The following CDH12 variants were observed in gnomAD, a reference collection of about 807,000 sequenced individuals.
CDH12 encodes the protein cadherin 12, also known as cadherin-12.
A neutral mutation model predicts 74.1 loss-of-function variants in CDH12; 41 were observed. The observed-to-expected ratio is 0.55, with a 90% CI of 0.43 to 0.72. CDH12 has a LOEUF of 0.72. Among genes scored for constraint, CDH12 ranks in the 30% least tolerant of loss-of-function variants. The pLI is 0.00. For missense variants in CDH12, 945 were observed against 977.2 expected (o/e 0.97, Z 0.44); for synonymous variants, 399 against 355.0 (o/e 1.12, Z -1.39).
rs1243038306 is a variant in CDH12 at position 22,001,574 on chromosome 5, T to C, written c.232-26189A>G. ...GTGTCATGGGGGTTTGGTGTACAGA[T>C]TATTTCATCACCCAGGTTATAGGCA... is the stretch of plus-strand genomic sequence containing the variant. On this transcript the variant is annotated intron_variant, in intron 5 of 14. Transcript: ENST00000382254. 2.6e-5 allele frequency among the ~76,000 whole-genome samples: 4 copies of C among 152,222 alleles called. No homozygotes were observed. In the East Asian group the frequency reaches 7.8e-4, roughly 30 times the overall value.
intron 4 of CDH12, among the ~76,000 whole-genome samples, chr5:22,178,519 T>A (rs1749461720): frequency 6.6e-6 from 1 of 152,202 alleles, no homozygotes; most frequent in Non-Finnish European, 1.5e-5. Context: ...AATCTTTGTG[T>A]CTTTTTCTGA....
chr5:22,654,002 C>T (rs981871044), intron 1 of CDH12, among the ~76,000 whole-genome samples: 1 of 122,766 alleles, frequency 8.1e-6, no homozygotes, highest in Non-Finnish European at 1.7e-5. Context: ...TCCTTCCTTC[C>T]TTCCTTCCCT....
chr5:22,586,300 G>C (rs1038267720), intron 1 of CDH12, among the ~76,000 whole-genome samples: 5 of 151,934 alleles, frequency 3.3e-5, no homozygotes, highest in Non-Finnish European at 7.4e-5. Flanking sequence ...AGAACACTTG[G>C]ACACGGGAAG....
intron 1 of CDH12, among the ~76,000 whole-genome samples, chr5:22,684,966 A>G (rs1741682382): frequency 6.6e-6 from 1 of 152,150 alleles, no homozygotes; most frequent in Non-Finnish European, 1.5e-5. Context: ...TCAGAAAGTC[A>G]AGTGCAAAGG....
At chr5:22,378,452 A>G (rs1235388387) in intron 3 of CDH12, among the ~76,000 whole-genome samples, 1 of 152,136 alleles carries the variant, frequency 6.6e-6, no homozygotes, top group South Asian at 2.1e-4. Context: ...GTGGACGTAT[A>G]TAACAAAAGT....
chr5:22,843,951 C>A (rs1253102401), intron 1 of CDH12, among the ~76,000 whole-genome samples: 1 of 151,878 alleles, frequency 6.6e-6, no homozygotes, highest in East Asian at 1.9e-4. Flanking sequence ...AGGGCTGTGT[C>A]TTTTTGCATG....
At chr5:22,440,432 T>C (rs543159457) in intron 2 of CDH12, among the ~76,000 whole-genome samples, 2 of 152,262 alleles carry the variant, frequency 1.3e-5, no homozygotes, top group South Asian at 4.1e-4. Flanking sequence ...ACATTATTAC[T>C]CTTTGGAACC....
intron 3 of CDH12, among the ~76,000 whole-genome samples, chr5:22,239,609 A>G (rs972818011): frequency 5.9e-5 from 9 of 152,214 alleles, no homozygotes; most frequent in African/African-American, 2.2e-4. Context: ...TTAGACAAAT[A>G]GATGGATAGA....
chr5:21,949,050 C>T (rs1755706563), intron 6 of CDH12, among the ~76,000 whole-genome samples: 1 of 152,048 alleles, frequency 6.6e-6, no homozygotes, highest in African/African-American at 2.4e-5. Context: ...TATGAATTAC[C>T]CAATCTCAGG....
At chr5:22,826,371 C>T (rs181215390) in intron 1 of CDH12, among the ~76,000 whole-genome samples, 6 of 152,228 alleles carry the variant, frequency 3.9e-5, no homozygotes, top group South Asian at 4.2e-4. Context: ...TTGTAAATGG[C>T]CCAGTTTCTG....
chr5:22,532,900 C>T lies in CDH12; in HGVS notation c.-522-27536G>A, dbSNP rs370303324. Among the ~76,000 whole-genome samples, 42 of 151,430 alleles carry T rather than the reference C, an allele frequency of 2.8e-4. No individual in the cohort carries two copies. The East Asian group carries it at 3.1e-3, about 11-fold the overall frequency. ...TTCTGCATAACAAAATGTCATTATT[C>T]CACTCAATAATAAAAGCATAAAGGA... On this transcript the variant is annotated intron_variant, in intron 1 of 14. Transcript: ENST00000382254.
At chr5:22,280,194 C>A (rs901675513) in intron 3 of CDH12, among the ~76,000 whole-genome samples, 4 of 152,098 alleles carry the variant, frequency 2.6e-5, no homozygotes, top group Non-Finnish European at 5.9e-5. Flanking sequence ...AGTGTCTATT[C>A]ATATCCTTTG....
chr5:21,798,757 T>C (rs966981512), intron 10 of CDH12, among the ~76,000 whole-genome samples: 2 of 152,134 alleles, frequency 1.3e-5, no homozygotes, highest in Non-Finnish European at 2.9e-5. Flanking sequence ...AATGGATCTC[T>C]TGGCACATTG....
intron 1 of CDH12, among the ~76,000 whole-genome samples, chr5:22,754,828 G>A (rs556322677): frequency 6.6e-6 from 1 of 152,124 alleles, no homozygotes; most frequent in East Asian, 1.9e-4. Context: ...AAACGGGTTA[G>A]GTGTTTATAG....
At chr5:22,472,892 C>A (rs913060980) in intron 2 of CDH12, among the ~76,000 whole-genome samples, 1 of 152,096 alleles carries the variant, frequency 6.6e-6, no homozygotes, top group Non-Finnish European at 1.5e-5. Flanking sequence ...AAATGCAAGT[C>A]ATATAACATT....
chr5:21,968,915 G>T (rs1412326988), intron 6 of CDH12, among the ~76,000 whole-genome samples: 2 of 151,952 alleles, frequency 1.3e-5, no homozygotes, highest in Admixed American at 1.3e-4. Flanking sequence ...TCTTATAAGT[G>T]GGAGCTGAAC....
chr5:22,330,436 A>G (rs1183607548), intron 3 of CDH12, among the ~76,000 whole-genome samples: 4 of 151,978 alleles, frequency 2.6e-5, no homozygotes, highest in African/African-American at 9.7e-5. Context: ...TGTGGAGGAT[A>G]TGGTGAAAGA....
intron 1 of CDH12, among the ~76,000 whole-genome samples, chr5:22,705,259 G>A (rs1194697225): frequency 6.6e-6 from 1 of 151,596 alleles, no homozygotes; most frequent in Non-Finnish European, 1.5e-5. Context: ...GATGCAGAGA[G>A]CTTACATTTC....
chr5:22,225,203 A>ATAT (rs1209438653), intron 3 of CDH12, among the ~76,000 whole-genome samples: 1 of 152,092 alleles, frequency 6.6e-6, no homozygotes, highest in Non-Finnish European at 1.5e-5. Context: ...TTTATTGACT[A>ATAT]TATTTTCTTA....
Sources: allele counts gnomAD v4.1 joint callset (sites outside exome capture counted in the v4.1 genomes callset), GRCh38; gene constraint gnomAD v4.1.1; transcripts MANE v1.5; gene names NCBI Gene and HGNC (gene_info 2026-07-23, HGNC 2026-07-21).